Variants in SH3GL3 observed in about 807,000 individuals in gnomAD.
The protein encoded by SH3GL3 is SH3 domain containing GRB2 like 3, endophilin A3.
In SH3GL3, 33 loss-of-function variants were observed where a neutral mutation model predicts 47.7. The ratio of observed to expected loss-of-function variants is 0.69; its 90% confidence interval spans 0.52 to 0.92. SH3GL3 has a LOEUF of 0.92. SH3GL3 is among the 40% of genes least tolerant of loss of function. The pLI is 0.00. For missense variants in SH3GL3, 363 were observed against 417.8 expected (o/e 0.87, Z 1.14); for synonymous variants, 155 against 148.8 (o/e 1.04, Z -0.30).
chr15:83,569,279 T>C (rs1406598575), intron 4 of SH3GL3, among the ~76,000 whole-genome samples: 1 of 152,246 alleles, frequency 6.6e-6, no homozygotes, highest in African/African-American at 2.4e-5. Flanking sequence ...ATAGTACATA[T>C]ACTCTTTGGT....
intron 8 of SH3GL3, among the ~76,000 whole-genome samples, chr15:83,615,215 C>A (rs1186944158): frequency 6.6e-6 from 1 of 151,720 alleles, no homozygotes; most frequent in East Asian, 1.9e-4. Flanking sequence ...CATATTAATA[C>A]TGAAATATAC....
chr15:83,627,192 C>T, the SH3GL3 span, among the ~76,000 whole-genome samples: 18 of 152,070 alleles, frequency 1.2e-4, 1 homozygote, highest in Admixed American at 1.1e-3. Flanking sequence ...GGTCAGCAGA[C>T]AGAGACCATC....
At chr15:83,605,751 C>T (rs1041465459) in intron 8 of SH3GL3, among the ~76,000 whole-genome samples, 12 of 152,102 alleles carry the variant, frequency 7.9e-5, no homozygotes, top group African/African-American at 1.9e-4. Flanking sequence ...CTGGGAGAAA[C>T]GAGTGCCTGT....
chr15:83,582,457 T>C (rs894114102), intron 6 of SH3GL3, among the ~76,000 whole-genome samples: 1 of 152,218 alleles, frequency 6.6e-6, no homozygotes, highest in African/African-American at 2.4e-5. Context: ...GCATTAATAA[T>C]GTCTCTGTGG....
chr15:83,593,346 C>T (rs1390884903), intron 8 of SH3GL3, among the ~76,000 whole-genome samples: 1 of 152,160 alleles, frequency 6.6e-6, no homozygotes, highest in African/African-American at 2.4e-5. Context: ...TTGTATTTCC[C>T]ATTTATTTAG....
chr15:83,520,240 C>T (rs2043150584), intron 1 of SH3GL3, among the ~76,000 whole-genome samples: 1 of 152,162 alleles, frequency 6.6e-6, no homozygotes, highest in South Asian at 2.1e-4. Context: ...ATATACTGGA[C>T]AGTAAACAAG....
At chr15:83,542,439 G>A (rs938966782) in intron 1 of SH3GL3, among the ~76,000 whole-genome samples, 8 of 152,064 alleles carry the variant, frequency 5.3e-5, no homozygotes, top group African/African-American at 1.9e-4. Context: ...GCTCAGGATG[G>A]CTTTGGCTAT....
chr15:83,604,835 T>C (rs1171623875), intron 8 of SH3GL3, among the ~76,000 whole-genome samples: 2 of 152,250 alleles, frequency 1.3e-5, no homozygotes, highest in Non-Finnish European at 2.9e-5. Flanking sequence ...TATTTCATGT[T>C]ATATCATTAA....
rs1253575679 is a variant in SH3GL3, at chr15:83,588,882, TTC to T, written c.838+113_838+114del. 7 of 654,818 alleles carry T rather than the reference TTC, an allele frequency of 1.1e-5. No individual in the cohort carries two copies. In the Admixed American group the frequency reaches 1.5e-4, roughly 14 times the overall value. The allele number at this position is 654,818 out of a possible 1,614,324, so 40.6% of individuals were successfully genotyped here. ...GAATACACACAGACCCTGGATATCTTTCTTTGGTTGTTTGGTAAATTCCCTTT... is the reference window on the plus strand; with the variant it reads ...GAATACACACAGACCCTGGATATCTTTTTGGTTGTTTGGTAAATTCCCTTT... On this transcript the variant is annotated intron_variant, in intron 8 of 8. Coordinates refer to ENST00000427482, the MANE Select transcript of SH3GL3 (RefSeq NM_003027.5).
At chr15:83,524,861 G>A (rs1043810729) in intron 1 of SH3GL3, among the ~76,000 whole-genome samples, 2 of 152,000 alleles carry the variant, frequency 1.3e-5, no homozygotes, top group Admixed American at 6.6e-5. Flanking sequence ...TTTTATGGTT[G>A]AATAGTATTC....
At chr15:83,520,827 GA>G (rs1445487486) in intron 1 of SH3GL3, among the ~76,000 whole-genome samples, 4 of 152,120 alleles carry the variant, frequency 2.6e-5, no homozygotes, top group African/African-American at 9.7e-5. Context: ...CCACAACACA[GA>G]TAACTATGTG....
intron 1 of SH3GL3, among the ~76,000 whole-genome samples, chr15:83,552,534 T>A (rs1404685695): frequency 6.6e-6 from 1 of 152,232 alleles, no homozygotes. Flanking sequence ...TGATTGACTT[T>A]GTTACGTAGT....
rs2151762213 is a variant in SH3GL3, at chr15:83,568,643, G to A, written c.302G>A (p.Gly101Glu). ...CTGGGGGACTGTATGCTGAAATACG[G>A]GAAGGAGCTCGGGGAAGACTCCACC... is the stretch of plus-strand genomic sequence containing the variant. ...GLLGDCMLKY[G>E]KELGEDSTFG... is the part of the protein sequence containing the mutation. Residue 101 changes from glycine (G) to glutamate (E), a missense_variant, in exon 4 of 9, where the codon GGG becomes GAG. By Grantham distance (98) the Gly-to-Glu change is moderately conservative. Transcript: ENST00000427482. 1.9e-6 allele frequency: 3 copies of A among 1,613,922 alleles called. No homozygotes were observed. Among genetic ancestry groups the A allele is most frequent in the Non-Finnish European group, 2.5e-6 (3 of 1,179,850 alleles).
intron 1 of SH3GL3, among the ~76,000 whole-genome samples, chr15:83,502,242 G>A (rs557855912): frequency 6.6e-6 from 1 of 152,338 alleles, no homozygotes; most frequent in Admixed American, 6.5e-5. Context: ...AATGGACAGC[G>A]GATCAGCATC....
intron 3 of SH3GL3, among the ~76,000 whole-genome samples, chr15:83,566,365 A>AGAGAGTGTGTGTGT (rs1459069703): frequency 1.8e-4 from 25 of 136,622 alleles, no homozygotes; most frequent in Non-Finnish European, 3.4e-4. Flanking sequence ...AGAGAGAGAG[A>AGAGAGTGTGTGTGT]GTGTGTGTGT....
chr15:83,508,680 C>T (rs1026749488), intron 1 of SH3GL3, among the ~76,000 whole-genome samples: 4 of 151,534 alleles, frequency 2.6e-5, no homozygotes, highest in Admixed American at 6.6e-5. Flanking sequence ...TGGGTTCAAG[C>T]GATTCTCGTG....
At chr15:83,542,359 G>A (rs1226537393) in intron 1 of SH3GL3, among the ~76,000 whole-genome samples, 15 of 152,196 alleles carry the variant, frequency 9.9e-5, no homozygotes, top group Admixed American at 3.9e-4. Context: ...GTATCATGCT[G>A]TTTGGTTACT....
intron 8 of SH3GL3, among the ~76,000 whole-genome samples, chr15:83,591,541 G>T (rs1158693125): frequency 8.6e-5 from 13 of 151,658 alleles, no homozygotes; most frequent in African/African-American, 3.2e-4. Context: ...AAAGAAAATG[G>T]TAATATACGT....
chr15:83,571,181 G>A (rs1015661244), intron 4 of SH3GL3, among the ~76,000 whole-genome samples: 7 of 152,226 alleles, frequency 4.6e-5, no homozygotes, highest in African/African-American at 1.4e-4. Context: ...ATTCGACAGC[G>A]CCAGTCTCAG....
Sources: gnomAD v4.1 joint callset for allele counts (sites outside exome capture counted in the v4.1 genomes callset) on GRCh38, gnomAD v4.1.1 for gene constraint, MANE v1.5 for transcripts, NCBI Gene and HGNC (gene_info 2026-07-23, HGNC 2026-07-21) for gene names.